Variants in GALNT11 observed in about 807,000 individuals in gnomAD.
The protein encoded by GALNT11 is UDP-GalNAc:polypeptide N-acetylgalactosaminyltransferase 11.
A neutral mutation model predicts 72.7 loss-of-function variants in GALNT11; 47 were observed. The ratio of observed to expected loss-of-function variants is 0.65; its 90% confidence interval spans 0.51 to 0.82. The LOEUF is 0.82. GALNT11 is among the 40% of genes least tolerant of loss of function. The pLI is 0.00. For synonymous variants in GALNT11, 270 were observed against 286.6 expected, an observed-to-expected ratio of 0.94 and a Z score of 0.58; for missense variants, 677 against 778.4, an observed-to-expected ratio of 0.87 and a Z score of 1.55.
rs908746668 is a variant in GALNT11, at chr7:152,078,497, G to A, written c.-38-15693G>A. 4.6e-5 allele frequency among the ~76,000 whole-genome samples: 7 copies of A among 152,250 alleles called. 1 individual carries two copies. In the South Asian group the frequency reaches 1.4e-3, roughly 32 times the overall value. ...ATGATAGGCATGAGCCACTGCGCCCGGCCGGAAGGAATATTTGAATAAATA... is the reference window on the plus strand; with the variant it reads ...ATGATAGGCATGAGCCACTGCGCCCAGCCGGAAGGAATATTTGAATAAATA... On this transcript the variant is annotated intron_variant, in intron 1 of 11. Coordinates refer to ENST00000430044, the MANE Select transcript of GALNT11 (RefSeq NM_022087.4).
At chr7:152,036,209 A>C (rs1224743061) in intron 1 of GALNT11, among the ~76,000 whole-genome samples, 1 of 152,036 alleles carries the variant, frequency 6.6e-6, no homozygotes, top group African/African-American at 2.4e-5. Flanking sequence ...ATTTAACTAT[A>C]TTTTTGTATA....
chr7:152,059,063 A>G (rs1015690660), intron 1 of GALNT11, among the ~76,000 whole-genome samples: 3 of 152,146 alleles, frequency 2.0e-5, no homozygotes, highest in Admixed American at 6.5e-5. Flanking sequence ...AAAAAAATAA[A>G]TGATATTTTG....
chr7:152,073,017 T>A (rs1197788843), intron 1 of GALNT11, among the ~76,000 whole-genome samples: 1 of 152,204 alleles, frequency 6.6e-6, no homozygotes, highest in African/African-American at 2.4e-5. Flanking sequence ...CATTTTATTT[T>A]ATTTTTCAAT....
intron 1 of GALNT11, among the ~76,000 whole-genome samples, chr7:152,092,279 A>G (rs528952241): frequency 1.3e-5 from 2 of 152,348 alleles, no homozygotes; most frequent in Admixed American, 1.3e-4. Flanking sequence ...TTTTGTTACA[A>G]AGTTGCACAT....
At chr7:152,064,719 G>A (rs981092722) in intron 1 of GALNT11, among the ~76,000 whole-genome samples, 10 of 152,134 alleles carry the variant, frequency 6.6e-5, no homozygotes, top group Admixed American at 6.5e-4. Flanking sequence ...ATGAAGCTTA[G>A]TTTGGCTGGA....
At chr7:152,090,087 A>G (rs1375359287) in intron 1 of GALNT11, among the ~76,000 whole-genome samples, 2 of 152,168 alleles carry the variant, frequency 1.3e-5, no homozygotes, top group Non-Finnish European at 1.5e-5. Flanking sequence ...GATCAAGGAA[A>G]GGGGCTAGTT....
At chr7:152,098,900 T>C (rs1407164247) in intron 2 of GALNT11, among the ~76,000 whole-genome samples, 1 of 152,200 alleles carries the variant, frequency 6.6e-6, no homozygotes, top group African/African-American at 2.4e-5. Context: ...TTTCTCAAAG[T>C]AGATATGGGG....
At chr7:152,053,823 C>A (rs1268906396) in intron 1 of GALNT11, among the ~76,000 whole-genome samples, 4 of 152,114 alleles carry the variant, frequency 2.6e-5, no homozygotes, top group African/African-American at 4.8e-5. Context: ...AATAAATAAA[C>A]CTTTTGTCTG....
intron 1 of GALNT11, among the ~76,000 whole-genome samples, chr7:152,067,493 T>A (rs1212329382): frequency 6.6e-6 from 1 of 152,252 alleles, no homozygotes; most frequent in Non-Finnish European, 1.5e-5. Flanking sequence ...AATACAACTT[T>A]ATTTTTTTGT....
At chr7:152,029,010 A>G (rs2082179113) in intron 1 of GALNT11, among the ~76,000 whole-genome samples, 1 of 152,220 alleles carries the variant, frequency 6.6e-6, no homozygotes, top group South Asian at 2.1e-4. Flanking sequence ...AAAGGGGAGA[A>G]GCCATGTTGT....
At chr7:152,045,681 A>T (rs1401175844) in intron 1 of GALNT11, among the ~76,000 whole-genome samples, 1 of 150,900 alleles carries the variant, frequency 6.6e-6, no homozygotes, top group Non-Finnish European at 1.5e-5. Context: ...CTTTTTTTTC[A>T]TAGTCTGGCT....
chr7:152,030,708 A>C (rs949325160), intron 1 of GALNT11, among the ~76,000 whole-genome samples: 1 of 149,924 alleles, frequency 6.7e-6, no homozygotes, highest in African/African-American at 2.5e-5. Context: ...TTGCCTTTCT[A>C]TGTCTCTCTC....
At chr7:152,100,462 A>C (rs1376471796) in intron 2 of GALNT11, among the ~76,000 whole-genome samples, 3 of 151,792 alleles carry the variant, frequency 2.0e-5, no homozygotes. Flanking sequence ...GCTACTCGGG[A>C]GGCTGAGGCA....
At chr7:152,084,123 GT>G (rs1196015468) in intron 1 of GALNT11, among the ~76,000 whole-genome samples, 1 of 151,932 alleles carries the variant, frequency 6.6e-6, no homozygotes, top group East Asian at 1.9e-4. Context: ...CTGGTAGTTT[GT>G]TTTTGTTGTT....
At chr7:152,047,712 G>A (rs575449874) in intron 1 of GALNT11, among the ~76,000 whole-genome samples, 15 of 151,424 alleles carry the variant, frequency 9.9e-5, no homozygotes, top group East Asian at 7.8e-4. Context: ...GTGTGTGTGC[G>A]CACACACACA....
At chr7:152,107,800 G>A (rs766445026) in intron 5 of GALNT11, 12 of 367,594 alleles carry the variant, frequency 3.3e-5, no homozygotes, top group Admixed American at 8.1e-5. Flanking sequence ...CAAGAGTCGC[G>A]CGTATGATTT....
At chr7:152,085,888 G>GT (rs1373254291) in intron 1 of GALNT11, among the ~76,000 whole-genome samples, 2 of 147,020 alleles carry the variant, frequency 1.4e-5, no homozygotes, top group Non-Finnish European at 3.0e-5. Context: ...GCTAGTTTTT[G>GT]TTTTTTGTTT....
chr7:152,061,432 C>T (rs1232394050), intron 1 of GALNT11, among the ~76,000 whole-genome samples: 1 of 152,156 alleles, frequency 6.6e-6, no homozygotes, highest in East Asian at 1.9e-4. Flanking sequence ...GTTGCCTGTT[C>T]ACTCTGATGG....
intron 1 of GALNT11, among the ~76,000 whole-genome samples, chr7:152,027,283 G>C (rs1346699446): frequency 6.6e-6 from 1 of 152,166 alleles, no homozygotes; most frequent in Non-Finnish European, 1.5e-5. Flanking sequence ...TGGGTACATA[G>C]TAGGCATATG....
Sources: allele counts gnomAD v4.1 joint callset (sites outside exome capture counted in the v4.1 genomes callset), GRCh38; gene constraint gnomAD v4.1.1; transcripts MANE v1.5; gene names NCBI Gene and HGNC (gene_info 2026-07-23, HGNC 2026-07-21).